CNTNAP2: variants seen among roughly 807,000 people sequenced by gnomAD.
CNTNAP2 encodes contactin associated protein 2.
A neutral mutation model predicts 155.2 loss-of-function variants in CNTNAP2; 98 were observed. That is an observed-to-expected ratio of 0.63 (90% confidence interval 0.54 to 0.75). CNTNAP2 has a LOEUF of 0.75. CNTNAP2 is among the 30% of genes least tolerant of loss of function. The pLI, the probability that CNTNAP2 is intolerant of heterozygous loss-of-function variation, is 0.00. For synonymous variants in CNTNAP2, 651 were observed against 631.2 expected (o/e 1.03, Z -0.47); for missense variants, 1,727 against 1,688.1 (o/e 1.02, Z -0.40).
chr7:147,775,292 TA>T, intron 13 of CNTNAP2, among the ~76,000 whole-genome samples: 1 of 47,024 alleles, frequency 2.1e-5, no homozygotes, highest in Non-Finnish European at 3.4e-5. Flanking sequence ...TAAATATATA[TA>T]TTTATATATA....
rs62503533 is a variant in CNTNAP2, at chr7:146,497,030, C to G, written c.98-277241C>G. On this transcript the variant is annotated intron_variant, in intron 1 of 23. Coordinates refer to ENST00000361727, the MANE Select transcript of CNTNAP2 (RefSeq NM_014141.6). Reference sequence around the variant, plus strand: ...CAAGGTCCACAGTACATGTAATCTCCTTTCCACTTCTTAATGACCCTGTTT... The same window carrying G: ...CAAGGTCCACAGTACATGTAATCTCGTTTCCACTTCTTAATGACCCTGTTT... Among the ~76,000 whole-genome samples the G allele has an allele frequency of 6.9e-3, 1,051 of 152,306 alleles. 7 individuals are homozygous for G. The highest frequency in any genetic ancestry group is 0.013 in the Non-Finnish European group (878 of 68,026).
intron 3 of CNTNAP2, among the ~76,000 whole-genome samples, chr7:146,882,458 C>T (rs557805169): frequency 6.6e-6 from 1 of 152,102 alleles, no homozygotes; most frequent in South Asian, 2.1e-4. Context: ...CTGTTCTCAT[C>T]GTAGTGAGTG....
At chr7:147,392,952 T>A (rs2116447699) in intron 9 of CNTNAP2, among the ~76,000 whole-genome samples, 1 of 152,186 alleles carries the variant, frequency 6.6e-6, no homozygotes, top group East Asian at 1.9e-4. Context: ...ATGTGTCACC[T>A]TAAAATTAAT....
intron 8 of CNTNAP2, among the ~76,000 whole-genome samples, chr7:147,160,094 C>A (rs1393740728): frequency 6.6e-6 from 1 of 151,978 alleles, no homozygotes; most frequent in African/African-American, 2.4e-5. Context: ...GCCACTGAAC[C>A]ACTGTGACTG....
intron 16 of CNTNAP2, among the ~76,000 whole-genome samples, chr7:148,132,639 A>G (rs1804856663): frequency 6.6e-6 from 1 of 152,234 alleles, no homozygotes; most frequent in Non-Finnish European, 1.5e-5. Flanking sequence ...GAAATGTTGA[A>G]GAACAAAAAG....
chr7:147,963,565 G>A (rs1801150765), intron 14 of CNTNAP2, among the ~76,000 whole-genome samples: 1 of 152,090 alleles, frequency 6.6e-6, no homozygotes, highest in South Asian at 2.1e-4. Flanking sequence ...GTCACGTTGA[G>A]GAACAGTAAA....
chr7:146,339,280 G>A (rs1219913170), intron 1 of CNTNAP2, among the ~76,000 whole-genome samples: 1 of 152,068 alleles, frequency 6.6e-6, no homozygotes, highest in Non-Finnish European at 1.5e-5. Context: ...TGCACACACA[G>A]ACTTACATAC....
At chr7:147,811,577 A>C (rs113400157) in intron 13 of CNTNAP2, among the ~76,000 whole-genome samples, 66 of 152,250 alleles carry the variant, frequency 4.3e-4, no homozygotes, top group Middle Eastern at 3.4e-3. Context: ...CCAAATTGAA[A>C]ATTTTTAAAT....
At chr7:146,965,952 G>A (rs1290239429) in intron 3 of CNTNAP2, among the ~76,000 whole-genome samples, 1 of 152,172 alleles carries the variant, frequency 6.6e-6, no homozygotes, top group Admixed American at 6.5e-5. Context: ...TGGTTGTTCA[G>A]AGGTAACCCT....
intron 1 of CNTNAP2, among the ~76,000 whole-genome samples, chr7:146,643,036 T>G (rs1358649497): frequency 6.9e-6 from 1 of 144,236 alleles, no homozygotes; most frequent in Non-Finnish European, 1.5e-5. Flanking sequence ...TTTGTTTGAG[T>G]TCATTGTAGA....
chr7:147,784,570 G>C, intron 13 of CNTNAP2, among the ~76,000 whole-genome samples: 1 of 120,158 alleles, frequency 8.3e-6, no homozygotes, highest in Middle Eastern at 5.3e-3. Flanking sequence ...TGAGTGCAAA[G>C]AGCTTGGGTG....
intron 4 of CNTNAP2, among the ~76,000 whole-genome samples, chr7:147,064,669 A>T (rs1224507237): frequency 5.3e-5 from 8 of 152,218 alleles, no homozygotes; most frequent in Non-Finnish European, 1.2e-4. Flanking sequence ...ATATTCAATT[A>T]ATAGCAGAGG....
At chr7:146,273,272 T>C (rs1421428157) in intron 1 of CNTNAP2, among the ~76,000 whole-genome samples, 2 of 151,502 alleles carry the variant, frequency 1.3e-5, no homozygotes, top group East Asian at 3.9e-4. Flanking sequence ...AGGACTGATA[T>C]TTTCCTAAGA....
intron 10 of CNTNAP2, among the ~76,000 whole-genome samples, chr7:147,443,710 G>T (rs1460569206): frequency 6.6e-6 from 1 of 152,006 alleles, no homozygotes; most frequent in Non-Finnish European, 1.5e-5. Flanking sequence ...TTCTGTATAG[G>T]CCTTCCAGAC....
intron 2 of CNTNAP2, among the ~76,000 whole-genome samples, chr7:146,817,127 G>A (rs1229604991): frequency 1.3e-5 from 2 of 152,096 alleles, no homozygotes; most frequent in Non-Finnish European, 2.9e-5. Context: ...GGAAAACCCT[G>A]TTACATAAAC....
intron 3 of CNTNAP2, among the ~76,000 whole-genome samples, chr7:146,845,217 C>T (rs1004770080): frequency 6.6e-6 from 1 of 152,164 alleles, no homozygotes; most frequent in African/African-American, 2.4e-5. Flanking sequence ...TCCCTACTTT[C>T]TTTTTAATTA....
rs80088816 is a variant in CNTNAP2 at position 147,248,994 on chromosome 7, A to T, written c.1349-51147A>T. Among the ~76,000 whole-genome samples the T allele has an allele frequency of 5.2e-3, 786 of 152,254 alleles. 6 individuals are homozygous for T. Among genetic ancestry groups the T allele is most frequent in the African/African-American group, 0.018 (750 of 41,550 alleles). ...TATGGGAGAAGAAAAAAAACTTGAT[A>T]TTTAAGCATTGGTGGAAAACACACA... On this transcript the variant is annotated intron_variant, in intron 8 of 23. Coordinates refer to ENST00000361727, the MANE Select transcript of CNTNAP2 (RefSeq NM_014141.6).
chr7:148,159,907 A>AT (rs923320863), intron 17 of CNTNAP2, among the ~76,000 whole-genome samples: 4 of 151,340 alleles, frequency 2.6e-5, no homozygotes, highest in Admixed American at 2.0e-4. Flanking sequence ...TCCTTATGAC[A>AT]TTTTTTTTTA....
intron 1 of CNTNAP2, among the ~76,000 whole-genome samples, chr7:146,734,495 ACACAGAAAATTATCT>A (rs138252124): frequency 0.05 from 7,638 of 152,252 alleles, 341 homozygotes; most frequent in East Asian, 0.14. Context: ...TGATATTATC[ACACAGAAAATTATCT>A]TATGTGAGGT....
Sources: allele counts gnomAD v4.1 joint callset (sites outside exome capture counted in the v4.1 genomes callset), GRCh38; gene constraint gnomAD v4.1.1; transcripts MANE v1.5; gene names NCBI Gene and HGNC (gene_info 2026-07-23, HGNC 2026-07-21).